Variants in FRMPD3 observed in about 807,000 individuals in gnomAD.
The protein encoded by FRMPD3 is FERM and PDZ domain containing 3.
In FRMPD3, 42 loss-of-function variants were observed where a neutral mutation model predicts 97.9. The observed-to-expected ratio is 0.43, with a 90% confidence interval of 0.34 to 0.55. The LOEUF is 0.55. FRMPD3 is among the 20% of genes least tolerant of loss of function. The probability of loss-of-function intolerance (pLI) is 0.03; values close to 1 mark genes in which losing one functional copy is unlikely to be tolerated. For synonymous variants in FRMPD3, 577 were observed against 581.1 expected, an observed-to-expected ratio of 0.99 and a Z score of 0.10; for missense variants, 1,303 against 1,457.7, an observed-to-expected ratio of 0.89 and a Z score of 1.73.
chrX:107,555,972 A>G (rs1310312380), intron 8 of FRMPD3, among the ~76,000 whole-genome samples: 3 of 111,583 alleles, frequency 2.7e-5, no homozygotes, highest in Admixed American at 9.5e-5. Flanking sequence ...TTAACTTAAC[A>G]AGTGTCTTGT....
At chrX:107,467,285 ATGTGAG>A (rs1047391927) in intron 1 of FRMPD3, among the ~76,000 whole-genome samples, 2 of 106,614 alleles carry the variant, frequency 1.9e-5, no homozygotes, top group African/African-American at 6.9e-5. Context: ...AAAAGTGTAA[ATGTGAG>A]TGTGAGTGTG....
At chrX:107,522,969 A>G (rs1338644750) in intron 1 of FRMPD3, among the ~76,000 whole-genome samples, 1 of 111,394 alleles carries the variant, frequency 9.0e-6, no homozygotes, top group Non-Finnish European at 1.9e-5. Context: ...AATTTTGTTC[A>G]GGGATGCCCT....
At chrX:107,495,245 G>A (rs1398669749) in intron 1 of FRMPD3, among the ~76,000 whole-genome samples, 1 of 111,043 alleles carries the variant, frequency 9.0e-6, no homozygotes, top group Admixed American at 9.5e-5. Context: ...CTCTTCTTCA[G>A]CTCTTTGCTC....
Position 107,530,439 on chromosome X carries a change from G to C in FRMPD3, c.179G>C (p.Gly60Ala), listed in dbSNP as rs1354972364. The C allele has an allele frequency of 2.4e-5, 29 of 1,194,566 alleles. No individual in the cohort carries two copies. The highest frequency in any genetic ancestry group is 3.2e-5 in the Non-Finnish European group (28 of 887,779). Residue 60 changes from glycine (G) to alanine (A), a missense_variant, in exon 3 of 15, where the codon GGT (glycine) becomes GCT (alanine). Gly to Ala is a moderately conservative substitution (Grantham distance 60). Coordinates refer to ENST00000683843, the MANE Select transcript of FRMPD3 (RefSeq NM_001388459.1). Reference protein sequence around the residue: ...GGPSENKLLAGDQIVAINEED... With the variant: ...GGPSENKLLAADQIVAINEED... Reference sequence around the variant, plus strand: ...CCCTCTGAGAACAAGCTCCTGGCTGGTGACCAGATTGTGGCTATTAATGAG... The same window carrying C: ...CCCTCTGAGAACAAGCTCCTGGCTGCTGACCAGATTGTGGCTATTAATGAG...
intron 1 of FRMPD3, among the ~76,000 whole-genome samples, chrX:107,516,447 C>A (rs1922333857): frequency 9.0e-6 from 1 of 111,523 alleles, no homozygotes; most frequent in African/African-American, 3.3e-5. Flanking sequence ...TGAGGAATCG[C>A]CACACTGACT....
At chrX:107,561,915 G>C (rs1238077151) in intron 10 of FRMPD3, among the ~76,000 whole-genome samples, 1 of 112,246 alleles carries the variant, frequency 8.9e-6, no homozygotes, top group Non-Finnish European at 1.9e-5. Context: ...GATGAAGAGG[G>C]CCTGGTCTTG....
chrX:107,525,704 C>T (rs1221135134), intron 1 of FRMPD3: 2 of 554,494 alleles, frequency 3.6e-6, no homozygotes, highest in African/African-American at 4.5e-5. Flanking sequence ...TGGTCCCAGA[C>T]ATTAGCACAT....
At chrX:107,528,849 T>C (rs746844905) in intron 2 of FRMPD3, among the ~76,000 whole-genome samples, 1 of 112,925 alleles carries the variant, frequency 8.9e-6, no homozygotes, top group African/African-American at 3.2e-5. Context: ...CCTAGTGTGT[T>C]TAGGGCAATT....
At position 107,601,426 on chromosome X, in the gene FRMPD3, C is replaced by T. The variant is rs1171339495; in HGVS notation, c.3387C>T (p.Tyr1129=). 8.4e-7 allele frequency: 1 copy of T among 1,185,514 alleles called. No homozygotes were observed. Among genetic ancestry groups the T allele is most frequent in the African/African-American group, 1.7e-5 (1 of 57,150 alleles). Reference sequence around the variant, plus strand: ...CCAGCCTGGTTCCCCGAGCTACCTACCCCATGGCTCTGCAGAGCCCCAGCT... The same window carrying T: ...CCAGCCTGGTTCCCCGAGCTACCTATCCCATGGCTCTGCAGAGCCCCAGCT... ...EETSLVPRAT[Y]PMALQSPSCQ... is the part of the protein sequence containing the mutation. Residue 1129 remains tyrosine (Y), a synonymous_variant, in exon 15 of 15, where the codon TAC becomes TAT. Transcript: ENST00000683843.
intron 1 of FRMPD3, among the ~76,000 whole-genome samples, chrX:107,518,845 C>A (rs778697557): frequency 5.7e-4 from 64 of 112,394 alleles, no homozygotes; most frequent in Non-Finnish European, 9.4e-5. Context: ...TATGCATCAA[C>A]AGATTAATAA....
In FRMPD3 at chrX:107,597,756, G is replaced by A. The variant is rs1194415691; in HGVS notation, c.1877G>A (p.Arg626His). ...KAKLQEQLGP[R>H]KGGKPGSSRD... ...AAACTTCAGGAGCAGCTGGGCCCTC[G>A]CAAAGGTGGGAAGCCTGGCTCCTCT... is the stretch of plus-strand genomic sequence containing the variant. The change falls in exon 14 of 15, where the codon CGC becomes CAC. Residue 626 changes from arginine to histidine, a missense_variant. This residue lies in a region of FRMPD3 where 535 missense variants were observed against 618.6 expected (regional missense o/e 0.86). Transcript: ENST00000683843. The A allele has an allele frequency of 5.1e-5, 61 of 1,191,894 alleles. No individual in the cohort carries two copies. The highest frequency in any genetic ancestry group is 5.9e-5 in the Non-Finnish European group (52 of 886,481).
intron 1 of FRMPD3, among the ~76,000 whole-genome samples, chrX:107,481,455 C>T (rs1921370316): frequency 8.9e-6 from 1 of 112,259 alleles, no homozygotes; most frequent in East Asian, 2.8e-4. Flanking sequence ...AGCAGATAGG[C>T]TTTTGACCCT....
rs750603629 is a variant in FRMPD3, at chrX:107,598,838, A to C, written c.2263+696A>C. Among the ~76,000 whole-genome samples, 5 of 112,661 alleles carry C rather than the reference A, an allele frequency of 4.4e-5. No homozygotes were observed. In the South Asian group the frequency reaches 1.8e-3, roughly 41 times the overall value. On this transcript the variant is annotated intron_variant, in intron 14 of 14. Transcript: ENST00000683843. ...TCAGTAAGTGGTAGCTATTGTAACT[A>C]AGTATTAGTTCACAGGAAAACCGTA...
At chrX:107,535,436 G>A (rs761482797) in intron 4 of FRMPD3, among the ~76,000 whole-genome samples, 9 of 110,264 alleles carry the variant, frequency 8.2e-5, no homozygotes, top group East Asian at 2.8e-4. Context: ...TTGGGAGGCC[G>A]AGGCAGGTTG....
In FRMPD3 at chrX:107,533,518, T is replaced by A. The variant is rs1231461950; in HGVS notation, c.265T>A (p.Phe89Ile). ...LIELIRSAKE[F>I]IVLTVLHTHQ... Reference sequence around the variant, plus strand: ...TTTTCTCTGTAGGAGCGCTAAGGAATTCATCGTTCTTACAGTTCTGCACAC... The same window carrying A: ...TTTTCTCTGTAGGAGCGCTAAGGAAATCATCGTTCTTACAGTTCTGCACAC... The change falls in exon 4 of 15, where the codon TTC becomes ATC. Residue 89 changes from phenylalanine (F) to isoleucine (I), a missense_variant. By Grantham distance (21) the Phe-to-Ile change is conservative (BLOSUM62 0). Coordinates refer to ENST00000683843, the MANE Select transcript of FRMPD3 (RefSeq NM_001388459.1). 15 of 1,206,737 alleles carry A rather than the reference T, an allele frequency of 1.2e-5. No homozygotes were observed. Among genetic ancestry groups the A allele is most frequent in the Non-Finnish European group, 1.3e-5 (12 of 893,425 alleles).
rs147810039 is a variant in FRMPD3 at position 107,525,183 on chromosome X, C to T, written c.-7-1399C>T. ...ATACTGAGGCTAGAAAACTTAAACC[C>T]GTCTATCTAGAAGGCCTAAAATTCT... On this transcript the variant is annotated intron_variant, in intron 1 of 14. Coordinates refer to ENST00000683843, the MANE Select transcript of FRMPD3 (RefSeq NM_001388459.1). 8.7e-3 allele frequency among the ~76,000 whole-genome samples: 968 copies of T among 111,070 alleles called. 9 individuals are homozygous for T. Among genetic ancestry groups the T allele is most frequent in the African/African-American group, 0.031 (931 of 30,430 alleles).
At chrX:107,516,088 A>G (rs1435363781) in intron 1 of FRMPD3, among the ~76,000 whole-genome samples, 19 of 89,094 alleles carry the variant, frequency 2.1e-4, no homozygotes, top group Non-Finnish European at 3.3e-4. Context: ...ATGTGTTCTC[A>G]TTGTTCAATT....
rs1247473352 is a variant in FRMPD3, at chrX:107,573,954, G to A, written c.1297-2361G>A. Among the ~76,000 whole-genome samples, 11 of 112,103 alleles carry A rather than the reference G, an allele frequency of 9.8e-5. No homozygotes were observed. The Admixed American group carries it at 1.0e-3, about 11-fold the overall frequency. On this transcript the variant is annotated intron_variant, in intron 12 of 14. Transcript: ENST00000683843. ...ATTGAGGGCTGTAGACTGAGCCTAG[G>A]ATATAGCTAGGGCGAGGAGGTTGCA...
At chrX:107,563,482 C>G (rs1450180312) in intron 11 of FRMPD3, among the ~76,000 whole-genome samples, 2 of 112,432 alleles carry the variant, frequency 1.8e-5, no homozygotes, top group African/African-American at 6.5e-5. Flanking sequence ...TTAGGTTTTG[C>G]AGGCGGGCCA....
Sources: allele counts gnomAD v4.1 joint callset (sites outside exome capture counted in the v4.1 genomes callset), GRCh38; gene constraint gnomAD v4.1.1; regional missense constraint gnomAD v4.1.1; transcripts MANE v1.5; gene names NCBI Gene and HGNC (gene_info 2026-07-23, HGNC 2026-07-21).